Variants in TPSG1 observed in about 807,000 individuals in gnomAD.
TPSG1 encodes tryptase gamma.
Under a neutral mutation model 23.8 loss-of-function variants are expected in TPSG1, and 43 were observed. The ratio of observed to expected loss-of-function variants is 1.81; its 90% CI spans 1.42 to 2.33. TPSG1 has a LOEUF of 2.33. Among genes scored for constraint, TPSG1 ranks in the 30% most tolerant of loss-of-function variants. The pLI, the probability that TPSG1 is intolerant of heterozygous loss-of-function variation, is 0.00. For synonymous variants in TPSG1, 302 were observed against 201.3 expected, an observed-to-expected ratio of 1.50 and a Z score of -4.23; for missense variants, 623 against 438.6, an observed-to-expected ratio of 1.42 and a Z score of -3.75.
chr16:1,224,321 G>T (rs2030029273), intron 2 of TPSG1, among the ~76,000 whole-genome samples: 1 of 152,122 alleles, frequency 6.6e-6, no homozygotes, highest in Non-Finnish European at 1.5e-5. Flanking sequence ...GGGCCACGGT[G>T]GGGACGCTGT....
Position 1,222,351 on chromosome 16 carries a change from G to A in TPSG1, c.512-10C>T. Reference sequence around the variant, plus strand: ...GGGGGTGGCAGAGGCTCTGGGGTGGGGGGAACAGGCTTCAGAGAAGGTTGG... The same window carrying A: ...GGGGGTGGCAGAGGCTCTGGGGTGGAGGGAACAGGCTTCAGAGAAGGTTGG... On this transcript the variant is annotated splice_polypyrimidine_tract_variant and intron_variant, in intron 4 of 5. Coordinates refer to ENST00000234798, the MANE Select transcript of TPSG1 (RefSeq NM_012467.4). 1.9e-6 allele frequency: 3 copies of A among 1,579,598 alleles called. No individual in the cohort carries two copies. Among genetic ancestry groups the A allele is most frequent in the Non-Finnish European group, 1.7e-6 (2 of 1,161,088 alleles).
chr16:1,225,067 T>G, intron 1 of TPSG1, 140 bp downstream of exon 1: 2 of 962,834 alleles, frequency 2.1e-6, no homozygotes, highest in Non-Finnish European at 3.1e-6. Context: ...TGCAGTCTCT[T>G]CAGAGGAGAC....
chr16:1,222,359 G>A lies in TPSG1; in HGVS notation c.512-18C>T, dbSNP rs1442106274. 1.3e-6 allele frequency: 2 copies of A among 1,570,082 alleles called. No individual in the cohort carries two copies. The highest frequency in any genetic ancestry group is 1.4e-5 in the African/African-American group (1 of 73,888). On this transcript the variant is annotated intron_variant, in intron 4 of 5. Transcript: ENST00000234798. ...CAGAGGCTCTGGGGTGGGGGGAACAGGCTTCAGAGAAGGTTGGGGCACCAG... is the reference window on the plus strand; with the variant it reads ...CAGAGGCTCTGGGGTGGGGGGAACAAGCTTCAGAGAAGGTTGGGGCACCAG...
At chr16:1,223,014 C>T in intron 3 of TPSG1, 97 bp from the exon 4 acceptor site, 1 of 1,384,130 alleles carries the variant, frequency 7.2e-7, no homozygotes, top group South Asian at 1.5e-5. Flanking sequence ...CATCCGAAGC[C>T]CAGCTCTTCC....
At chr16:1,222,509 G>C (rs1363440458) in intron 4 of TPSG1, 143 bp downstream of exon 4, 1 of 1,323,674 alleles carries the variant, frequency 7.6e-7, no homozygotes, top group Non-Finnish European at 1.0e-6. Flanking sequence ...GACAGGCTTT[G>C]AAAAGGGACA....
chr16:1,221,837 C>A lies in TPSG1; in HGVS notation c.917G>T (p.Cys306Phe). 1 of 1,611,802 alleles carries A rather than the reference C, an allele frequency of 6.2e-7. No homozygotes were observed. Among genetic ancestry groups the A allele is most frequent in the Non-Finnish European group, 8.5e-7 (1 of 1,179,478 alleles). ...ACCATCCGCAGATGGGTGCAGCAGGCACTTGGCCAGCAGGACACAGGAGAC... is the reference window on the plus strand; with the variant it reads ...ACCATCCGCAGATGGGTGCAGCAGGAACTTGGCCAGCAGGACACAGGAGAC... ...LLVSCVLLAK[C>F]LLHPSADGTP... The change falls in exon 6 of 6, where the codon TGC becomes TTC. Residue 306 changes from cysteine (C) to phenylalanine (F), a missense_variant. Physicochemically the swap from Cys to Phe is radical, Grantham distance 205. Transcript: ENST00000234798.
Position 1,221,754 on chromosome 16 carries a change from A to G in TPSG1, c.*34T>C, listed in dbSNP as rs1335427652. ...GAGGGGGCGGAGCGGAATAAATAGTAACTTATTTAAGAAATGCACTTGGAT... is the reference window on the plus strand; with the variant it reads ...GAGGGGGCGGAGCGGAATAAATAGTGACTTATTTAAGAAATGCACTTGGAT... On this transcript the variant is annotated 3_prime_UTR_variant, in exon 6 of 6. Coordinates refer to ENST00000234798, the MANE Select transcript of TPSG1 (RefSeq NM_012467.4). The G allele has an allele frequency of 1.9e-6, 3 of 1,559,116 alleles. No homozygotes were observed. Among genetic ancestry groups the G allele is most frequent in the Non-Finnish European group, 2.6e-6 (3 of 1,148,304 alleles).
intron 2 of TPSG1, chr16:1,223,828 C>G (rs545519182): frequency 7.9e-4 from 429 of 541,960 alleles, no homozygotes; most frequent in African/African-American, 7.6e-3. Context: ...GCTCCACAAA[C>G]TAACCAGGGC....
rs759211097 is a variant in TPSG1 at position 1,221,740 on chromosome 16, G to T, written c.*48C>A. The T allele has an allele frequency of 2.1e-5, 31 of 1,511,530 alleles. No homozygotes were observed. Among genetic ancestry groups the T allele is most frequent in the Non-Finnish European group, 2.8e-5 (31 of 1,119,716 alleles). 93.6% of individuals were successfully genotyped at this position (1,511,530 alleles called of 1,614,324 possible). ...TCTCAAGGGAGAGGGAGGGGGCGGA[G>T]CGGAATAAATAGTAACTTATTTAAG... is the stretch of plus-strand genomic sequence containing the variant. On this transcript the variant is annotated 3_prime_UTR_variant, in exon 6 of 6. Coordinates refer to ENST00000234798, the MANE Select transcript of TPSG1 (RefSeq NM_012467.4).
At position 1,221,998 on chromosome 16, in the gene TPSG1, C is replaced by T. The variant is rs768851070; in HGVS notation, c.756G>A (p.Pro252=). 16 of 1,612,448 alleles carry T rather than the reference C, an allele frequency of 9.9e-6. No individual in the cohort carries two copies. Among genetic ancestry groups the T allele is most frequent in the African/African-American group, 5.3e-5 (4 of 74,950 alleles). ...WGEGCGRPNR[P]GVYTRVPAYV... is the part of the protein sequence containing the mutation. ...AGGCAGGGACACGAGTGTAGACTCCCGGCCTGTTGGGGCGGCCGCAGCCCT... is the reference window on the plus strand; with the variant it reads ...AGGCAGGGACACGAGTGTAGACTCCTGGCCTGTTGGGGCGGCCGCAGCCCT... The change falls in exon 6 of 6, where the codon CCG becomes CCA. Residue 252 remains proline (P), a synonymous_variant. Coordinates refer to ENST00000234798, the MANE Select transcript of TPSG1 (RefSeq NM_012467.4).
chr16:1,221,741 C>T lies in TPSG1; in HGVS notation c.*47G>A, dbSNP rs765008210. 18 of 1,510,994 alleles carry T rather than the reference C, an allele frequency of 1.2e-5. No homozygotes were observed. In the East Asian group the frequency reaches 1.8e-4, roughly 16 times the overall value. The allele number at this position is 1,510,994 out of a possible 1,614,324, so 93.6% of individuals were successfully genotyped here. On this transcript the variant is annotated 3_prime_UTR_variant, in exon 6 of 6. Transcript: ENST00000234798. ...CTCAAGGGAGAGGGAGGGGGCGGAG[C>T]GGAATAAATAGTAACTTATTTAAGA...
chr16:1,222,556 C>T (rs1352869902), intron 4 of TPSG1, 96 bp downstream of exon 4: 7 of 1,485,104 alleles, frequency 4.7e-6, no homozygotes, highest in Non-Finnish European at 5.4e-6. Context: ...GTGGAAGCCA[C>T]CAGGAGCAGG....
rs1019997920 is a variant in TPSG1 at position 1,224,490 on chromosome 16, A to G, written c.73+112T>C. 3.3e-5 allele frequency: 47 copies of G among 1,419,682 alleles called. No homozygotes were observed. In the African/African-American group the frequency reaches 3.4e-4, roughly 10 times the overall value. 87.9% of individuals were successfully genotyped at this position (1,419,682 alleles called of 1,614,324 possible). A position where few individuals can be genotyped will look rare whatever the true frequency, so the allele number is the denominator to read the frequency against. On this transcript the variant is annotated intron_variant, in intron 2 of 5. Coordinates refer to ENST00000234798, the MANE Select transcript of TPSG1 (RefSeq NM_012467.4). The stretch of plus-strand genomic sequence containing the variant: ...CGAGCAGAAACCACGGCGACAAACT[A>G]TGACCTCCCCGGGCCCCCATTGGGA...
At position 1,222,055 on chromosome 16, in the gene TPSG1, G is replaced by GCCT. The variant is rs758249340; in HGVS notation, c.698_699insAGG (p.Ala233_Trp234insGly). 9.9e-6 allele frequency: 16 copies of GCCT among 1,612,688 alleles called. No individual in the cohort carries two copies. Among genetic ancestry groups the GCCT allele is most frequent in the Middle Eastern group, 1.6e-4 (1 of 6,082 alleles). ...AGCTCACAGTGCCAGCCTGCACCCA[G>GCCT]GCACCGTTCACCTGGCAGACCAGAG... On this transcript the variant is annotated inframe_insertion, in exon 6 of 6. Transcript: ENST00000234798.
At position 1,222,677 on chromosome 16, in the gene TPSG1, G is replaced by T; in HGVS notation, c.486C>A (p.Thr162=). 3.2e-6 allele frequency: 5 copies of T among 1,577,766 alleles called. No homozygotes were observed. Among genetic ancestry groups the T allele is most frequent in the Non-Finnish European group, 3.5e-6 (4 of 1,155,622 alleles). The change falls in exon 4 of 6, where the codon ACC becomes ACA. Residue 162 remains threonine (T), a synonymous_variant. Coordinates refer to ENST00000234798, the MANE Select transcript of TPSG1 (RefSeq NM_012467.4). ...DFCPGIRCWV[T]GWGYTREGEP... is the part of the protein sequence containing the mutation. ...CTCCCTCCCGCGTATAGCCCCAGCC[G>T]GTCACCCAGCACCGGATCCCAGGGC...
Position 1,222,895 on chromosome 16 carries a change from G to C in TPSG1, c.268C>G (p.Gln90Glu). Residue 90 changes from glutamine to glutamate, a missense_variant, in exon 4 of 6, where the codon CAG becomes GAG. Gln to Glu is a conservative substitution (Grantham distance 29, BLOSUM62 2). Transcript: ENST00000234798. ...ATCTCCAGTTCCCCCAGGTGCACCT[G>C]GTAGTCGGATGAGTTCAGGGACCTG... ...FSGSLNSSDY[Q>E]VHLGELEITL... 2.5e-6 allele frequency: 4 copies of C among 1,608,292 alleles called. No homozygotes were observed. The highest frequency in any genetic ancestry group is 3.4e-6 in the Non-Finnish European group (4 of 1,178,048).
intron 2 of TPSG1, 141 bp downstream of exon 2, chr16:1,224,461 G>A (rs1195489700): frequency 1.9e-6 from 2 of 1,067,606 alleles, no homozygotes; most frequent in East Asian, 2.4e-5. Context: ...TCAACCGAGA[G>A]ATGCGAGCAG....
At chr16:1,223,171 G>A (rs2029916792) in intron 3 of TPSG1, among the ~76,000 whole-genome samples, 1 of 152,212 alleles carries the variant, frequency 6.6e-6, no homozygotes, top group Non-Finnish European at 1.5e-5. Flanking sequence ...GAGGCAGATT[G>A]CAAGCTCAGC....
Position 1,223,307 on chromosome 16 carries a change from A to G in TPSG1, c.245+116T>C, listed in dbSNP as rs188609082. 1,806 of 1,295,454 alleles carry G rather than the reference A, an allele frequency of 1.4e-3. 50 individuals carry two copies. In the Admixed American group the frequency reaches 0.05, roughly 36 times the overall value. The allele number at this position is 1,295,454 out of a possible 1,614,324, so 80.2% of individuals were successfully genotyped here. Reference sequence around the variant, plus strand: ...TCCTCCCTTTCCATTGGAAGGAAGTAGGCTCAGAGTTCCCAAGCCTCGGAG... The same window carrying G: ...TCCTCCCTTTCCATTGGAAGGAAGTGGGCTCAGAGTTCCCAAGCCTCGGAG... On this transcript the variant is annotated intron_variant, in intron 3 of 5. Transcript: ENST00000234798.
Sources: allele counts gnomAD v4.1 joint callset (sites outside exome capture counted in the v4.1 genomes callset), GRCh38; gene constraint gnomAD v4.1.1; transcripts MANE v1.5; gene names NCBI Gene and HGNC (gene_info 2026-07-23, HGNC 2026-07-21).